AMD1: variants seen among roughly 807,000 people sequenced by gnomAD.
The protein encoded by AMD1 is adenosylmethionine decarboxylase 1, also known as S-adenosylmethionine decarboxylase proenzyme.
Under a neutral mutation model 40.2 loss-of-function variants are expected in AMD1, and 11 were observed. That is an observed-to-expected ratio of 0.27 (90% CI 0.17 to 0.45). The LOEUF (loss-of-function observed/expected upper bound fraction) is 0.45, where lower values mean the gene tolerates loss of function less well. Ranked by LOEUF, AMD1 falls within the 20% of genes least tolerant of loss-of-function variation. AMD1 has a pLI of 1.00. For synonymous variants in AMD1, 121 were observed against 130.8 expected (o/e 0.93, Z 0.51); for missense variants, 257 against 410.2 (o/e 0.63, Z 3.23).
At chr6:110,852,814 T>C in the AMD1 span, among the ~76,000 whole-genome samples, 1 of 152,186 alleles carries the variant, frequency 6.6e-6, no homozygotes, top group Non-Finnish European at 1.5e-5. Flanking sequence ...TCAATGAATA[T>C]TTTTCTGAAT....
the AMD1 span, among the ~76,000 whole-genome samples, chr6:110,861,133 C>T: frequency 3.3e-5 from 5 of 151,848 alleles, no homozygotes; most frequent in Middle Eastern, 3.4e-3. Flanking sequence ...CCAAGGTGGG[C>T]GGATCACGAG....
At chr6:110,838,297 G>A in the AMD1 span, among the ~76,000 whole-genome samples, 1 of 151,722 alleles carries the variant, frequency 6.6e-6, no homozygotes, top group Non-Finnish European at 1.5e-5. Flanking sequence ...GCTGAAGCAG[G>A]AGAATCGCTT....
chr6:110,868,374 C>A, the AMD1 span, among the ~76,000 whole-genome samples: 1 of 152,080 alleles, frequency 6.6e-6, no homozygotes, highest in African/African-American at 2.4e-5. Context: ...TGGTCTTGAT[C>A]TCCTGACCTC....
At chr6:110,889,200 G>A (rs953430631) in intron 3 of AMD1, 2 of 347,324 alleles carry the variant, frequency 5.8e-6, no homozygotes, top group East Asian at 1.1e-4. Flanking sequence ...ATGGGAGAAA[G>A]AAATGAAGAA....
the AMD1 span, among the ~76,000 whole-genome samples, chr6:110,852,200 ATTTTTTTTTTTTTTTTTTTT>A: frequency 2.1e-3 from 107 of 51,310 alleles, no homozygotes; most frequent in African/African-American, 5.6e-3. Context: ...CGCCTGGCTA[ATTTTTTTTTTTTTTTTTTTT>A]TTTTTTTTTT....
At chr6:110,890,477 C>A in intron 4 of AMD1, 121 bp downstream of exon 4, 2 of 722,972 alleles carry the variant, frequency 2.8e-6, no homozygotes, top group Non-Finnish European at 4.5e-6. Context: ...CTAATACTTG[C>A]TTTTCTTGTG....
chr6:110,840,129 T>G, the AMD1 span, among the ~76,000 whole-genome samples: 1 of 151,046 alleles, frequency 6.6e-6, no homozygotes, highest in Non-Finnish European at 1.5e-5. Flanking sequence ...AGTGATCTCC[T>G]GCCTCAGCCT....
At chr6:110,846,797 TA>T in the AMD1 span, among the ~76,000 whole-genome samples, 1 of 151,184 alleles carries the variant, frequency 6.6e-6, no homozygotes, top group African/African-American at 2.4e-5. Context: ...TTGAACTCAG[TA>T]GGCAGAGGTC....
chr6:110,881,085 C>T (rs1785385876), intron 1 of AMD1, among the ~76,000 whole-genome samples: 1 of 152,144 alleles, frequency 6.6e-6, no homozygotes, highest in Admixed American at 6.5e-5. Context: ...TGTTGTTTTT[C>T]AGACATACAA....
chr6:110,869,841 T>C (rs1784882681), upstream of AMD1, among the ~76,000 whole-genome samples: 1 of 152,192 alleles, frequency 6.6e-6, no homozygotes, highest in Non-Finnish European at 1.5e-5. Context: ...TCACTTATAA[T>C]CTCTGAAGTC....
the AMD1 span, among the ~76,000 whole-genome samples, chr6:110,851,040 T>C: frequency 2.0e-5 from 3 of 151,882 alleles, no homozygotes. Flanking sequence ...CTTGGTTCAC[T>C]GCAACCTCCA....
At chr6:110,819,188 T>TGG in the AMD1 span, among the ~76,000 whole-genome samples, 1 of 151,962 alleles carries the variant, frequency 6.6e-6, no homozygotes, top group Admixed American at 6.5e-5. Context: ...AGAAACCCCG[T>TGG]CTCTACTACA....
chr6:110,885,292 T>C (rs1243862628), intron 1 of AMD1, among the ~76,000 whole-genome samples: 1 of 152,032 alleles, frequency 6.6e-6, no homozygotes, highest in Non-Finnish European at 1.5e-5. Flanking sequence ...TTTGTGTTTT[T>C]AGTAGAGATG....
chr6:110,817,728 G>C, the AMD1 span, among the ~76,000 whole-genome samples: 1 of 152,166 alleles, frequency 6.6e-6, no homozygotes, highest in African/African-American at 2.4e-5. Context: ...AATTAAACCT[G>C]AAAAAACAAA....
the AMD1 span, among the ~76,000 whole-genome samples, chr6:110,850,079 G>A: frequency 6.7e-6 from 1 of 148,832 alleles, no homozygotes; most frequent in Non-Finnish European, 1.5e-5. Flanking sequence ...TCAAAGAATA[G>A]AGACCCAGAG....
the AMD1 span, among the ~76,000 whole-genome samples, chr6:110,856,147 C>T: frequency 1.3e-4 from 19 of 151,548 alleles, no homozygotes; most frequent in African/African-American, 4.6e-4. Context: ...GATCACAGAT[C>T]CCAAGTAGAG....
the AMD1 span, among the ~76,000 whole-genome samples, chr6:110,860,551 C>A: frequency 6.6e-6 from 1 of 152,022 alleles, no homozygotes; most frequent in Non-Finnish European, 1.5e-5. Context: ...GTAATCCCTG[C>A]ACTTTGGGAG....
At chr6:110,849,642 T>C in the AMD1 span, among the ~76,000 whole-genome samples, 1 of 152,150 alleles carries the variant, frequency 6.6e-6, no homozygotes, top group Non-Finnish European at 1.5e-5. Flanking sequence ...AAAACCTCTT[T>C]ACACTGTTTC....
intron 1 of AMD1, among the ~76,000 whole-genome samples, chr6:110,879,020 T>G (rs1785259274): frequency 6.6e-6 from 1 of 152,150 alleles, no homozygotes; most frequent in African/African-American, 2.4e-5. Context: ...GTAGAAATGC[T>G]TCCTGCTAAA....
Sources: allele counts gnomAD v4.1 joint callset (sites outside exome capture counted in the v4.1 genomes callset), GRCh38; gene constraint gnomAD v4.1.1; transcripts MANE v1.5; gene names NCBI Gene and HGNC (gene_info 2026-07-23, HGNC 2026-07-21).